SIPA1L3: variants seen among roughly 807,000 people sequenced by gnomAD.
The protein encoded by SIPA1L3 is signal induced proliferation associated 1 like 3.
A neutral mutation model predicts 150.1 loss-of-function variants in SIPA1L3; 59 were observed. The observed-to-expected ratio is 0.39, with a 90% CI of 0.32 to 0.49. The LOEUF (loss-of-function observed/expected upper bound fraction) is 0.49. SIPA1L3 is among the 20% of genes least tolerant of loss of function. SIPA1L3 has a pLI of 0.86. For missense variants in SIPA1L3, 2,211 were observed against 2,489.5 expected (o/e 0.89, Z 2.38); for synonymous variants, 1,070 against 1,077.6 (o/e 0.99, Z 0.14).
intron 1 of SIPA1L3, among the ~76,000 whole-genome samples, chr19:38,024,086 G>A (rs77183022): frequency 0.026 from 3,989 of 152,184 alleles, 164 homozygotes; most frequent in African/African-American, 0.091. Flanking sequence ...TGTGAATTGA[G>A]GTGGAAATAC....
At position 38,082,430 on chromosome 19, in the gene SIPA1L3, C is replaced by G. The variant is rs1970015915; in HGVS notation, c.865C>G (p.Arg289Gly). ...EKEKARKKPA[R>G]GLGGGDTVDS... is the part of the protein sequence containing the mutation. ...GGAGAAGGCCCGGAAGAAACCTGCG[C>G]GGGGCCTCGGCGGCGGGGACACGGT... The change falls in exon 3 of 22, where the codon CGG becomes GGG. Residue 289 changes from arginine (R) to glycine (G), a missense_variant. Transcript: ENST00000222345. 1 of 1,591,922 alleles carries G rather than the reference C, an allele frequency of 6.3e-7. No individual in the cohort carries two copies. The highest frequency in any genetic ancestry group is 1.3e-5 in the African/African-American group (1 of 74,674).
At chr19:37,957,613 T>C (rs1237190140) in intron 1 of SIPA1L3, among the ~76,000 whole-genome samples, 1 of 152,106 alleles carries the variant, frequency 6.6e-6, no homozygotes, top group Non-Finnish European at 1.5e-5. Flanking sequence ...TGGAGTGCAG[T>C]GGCACAATCA....
In SIPA1L3 at chr19:38,106,345, G is replaced by A. The variant is rs751948126; in HGVS notation, c.2030-192G>A. 5.9e-6 allele frequency: 3 copies of A among 512,038 alleles called. No individual in the cohort carries two copies. In the African/African-American group the frequency reaches 5.9e-5, roughly 10 times the overall value. 31.7% of individuals were successfully genotyped at this position (512,038 alleles called of 1,614,324 possible). On this transcript the variant is annotated intron_variant, in intron 6 of 21. Transcript: ENST00000222345. Reference sequence around the variant, plus strand: ...TGGTCTCGAACTCCTGACCTCAGATGATCCACCTGCCTCAGCCTCCCAAAG... The same window carrying A: ...TGGTCTCGAACTCCTGACCTCAGATAATCCACCTGCCTCAGCCTCCCAAAG...
chr19:37,927,700 G>A (rs183164943), intron 1 of SIPA1L3, among the ~76,000 whole-genome samples: 57 of 144,316 alleles, frequency 3.9e-4, no homozygotes, highest in Middle Eastern at 7.5e-3. Flanking sequence ...TGTATGCAAT[G>A]TTTAGCTCTC....
In SIPA1L3 at chr19:38,164,485, C is replaced by T; in HGVS notation, c.3787C>T (p.Pro1263Ser). 1 of 1,606,282 alleles carries T rather than the reference C, an allele frequency of 6.2e-7. No individual in the cohort carries two copies. The highest frequency in any genetic ancestry group is 8.5e-7 in the Non-Finnish European group (1 of 1,174,264). The change falls in exon 15 of 22, where the codon CCT becomes TCT. Residue 1263 changes from proline (P) to serine (S), a missense_variant. Pro to Ser is a moderately conservative substitution (Grantham distance 74). This residue lies in a region of SIPA1L3 where 806 missense variants were observed against 870.1 expected (regional missense o/e 0.93). Coordinates refer to ENST00000222345, the MANE Select transcript of SIPA1L3 (RefSeq NM_015073.3). The surrounding 1 kb of genome is among the most constrained non-coding windows in gnomAD (Gnocchi z 4.1). ...CGCTTCTCTTGCCTCTCAGGGAGAACCTCAATACTCAAGTCATTCCAGCAG... is the reference window on the plus strand; with the variant it reads ...CGCTTCTCTTGCCTCTCAGGGAGAATCTCAATACTCAAGTCATTCCAGCAG... ...DSPNRHSKGEPQYSSHSSSNT... is the reference protein window; with the variant it reads ...DSPNRHSKGESQYSSHSSSNT...
In SIPA1L3 at chr19:38,163,535, G is replaced by T. The variant is rs534710341; in HGVS notation, c.3781-944G>T. ...AACAGTCCAGGGGAGAGAGTGACAA[G>T]CACTGCAGCTCAAGGATGATGTGGT... is the stretch of plus-strand genomic sequence containing the variant. On this transcript the variant is annotated intron_variant, in intron 14 of 21. Transcript: ENST00000222345. Among the ~76,000 whole-genome samples the T allele has an allele frequency of 9.4e-4, 140 of 149,440 alleles. 1 individual carries two copies. The highest frequency in any genetic ancestry group is 3.2e-3 in the African/African-American group (130 of 40,556).
intron 2 of SIPA1L3, among the ~76,000 whole-genome samples, chr19:38,063,268 C>T (rs529111444): frequency 6.6e-6 from 1 of 152,118 alleles, no homozygotes; most frequent in Non-Finnish European, 1.5e-5. Flanking sequence ...GCACCGCCCC[C>T]GCCGGCCCCC....
At chr19:37,921,368 G>A (rs1229197467) in intron 1 of SIPA1L3, among the ~76,000 whole-genome samples, 1 of 152,200 alleles carries the variant, frequency 6.6e-6, no homozygotes, top group Non-Finnish European at 1.5e-5. Flanking sequence ...TCCTGATGGT[G>A]TGCTGCCTGG....
Position 38,081,493 on chromosome 19 carries a change from G to A in SIPA1L3, c.-73G>A. 1 of 1,427,528 alleles carries A rather than the reference G, an allele frequency of 7.0e-7. No homozygotes were observed. 88.4% of individuals were successfully genotyped at this position (1,427,528 alleles called of 1,614,324 possible). A position where few individuals can be genotyped will look rare whatever the true frequency, so the allele number is the denominator to read the frequency against. ...CTGGGCCTGGCTGCCCTGAACAATG[G>A]CTGAGGGCTGGGGGACCCCATAGAG... On this transcript the variant is annotated 5_prime_UTR_variant, in exon 3 of 22. Transcript: ENST00000222345.
At chr19:38,078,685 C>T (rs1440540597) in intron 2 of SIPA1L3, among the ~76,000 whole-genome samples, 1 of 152,154 alleles carries the variant, frequency 6.6e-6, no homozygotes, top group African/African-American at 2.4e-5. Context: ...CGGCTGCATC[C>T]AGCTCTAGAT....
At position 38,134,707 on chromosome 19, in the gene SIPA1L3, GA is replaced by G. The variant is rs3083628; in HGVS notation, c.3143+3960del. On this transcript the variant is annotated intron_variant, in intron 10 of 21. Transcript: ENST00000222345. ...ATGACAGAGCGAGACTCTGTTTCAG[GA>G]AAAAAAAAAAAAAAAAAAAAAAAAG... 3.5e-3 allele frequency among the ~76,000 whole-genome samples: 323 copies of G among 91,032 alleles called. 1 individual carries two copies. Among genetic ancestry groups the G allele is most frequent in the African/African-American group, 0.013 (291 of 22,312 alleles). 59.7% of individuals were successfully genotyped at this position (91,032 alleles called of 152,430 possible).
chr19:38,079,651 G>A (rs1969933207), intron 2 of SIPA1L3, among the ~76,000 whole-genome samples: 1 of 151,854 alleles, frequency 6.6e-6, no homozygotes, highest in South Asian at 2.1e-4. Context: ...AACCTCCCGG[G>A]TTCGAGTGAT....
chr19:38,164,555 G>C lies in SIPA1L3; in HGVS notation c.3857G>C (p.Arg1286Pro), dbSNP rs759244647. 9.3e-6 allele frequency: 15 copies of C among 1,613,928 alleles called. No homozygotes were observed. The South Asian group carries it at 1.1e-4, about 12-fold the overall frequency. ...GCATCCAGCAGCCACAGCGACGACC[G>C]CTGGTTCGACCCCCTGGACCCCCTG... ...SNASSSHSDD[R>P]WFDPLDPLEP... Residue 1286 changes from arginine to proline, a missense_variant, in exon 15 of 22, where the codon CGC becomes CCC. Physicochemically the swap from Arg to Pro is moderately radical, Grantham distance 103. Transcript: ENST00000222345. This position sits in a 1 kb window ranked among gnomAD's most constrained non-coding sequence, Gnocchi z 4.1.
Position 38,193,699 on chromosome 19 carries a change from C to T in SIPA1L3, c.4759C>T (p.Arg1587Cys), listed in dbSNP as rs772456413. 3.2e-6 allele frequency: 5 copies of T among 1,571,960 alleles called. No individual in the cohort carries two copies. The highest frequency in any genetic ancestry group is 1.4e-5 in the African/African-American group (1 of 73,592). Reference sequence around the variant, plus strand: ...CTTCCCGTCCAGCACGCTGCCTGCACGCCGCCAGCACCAGCACCCCCACCC... The same window carrying T: ...CTTCCCGTCCAGCACGCTGCCTGCATGCCGCCAGCACCAGCACCCCCACCC... ...CAFPSSTLPA[R>C]RQHQHPHPPV... Residue 1587 changes from arginine to cysteine, a missense_variant, in exon 18 of 22, where the codon CGC becomes TGC. By Grantham distance (180) the Arg-to-Cys change is radical. Transcript: ENST00000222345.
chr19:38,003,557 G>A (rs1293084998), intron 1 of SIPA1L3, among the ~76,000 whole-genome samples: 1 of 152,118 alleles, frequency 6.6e-6, no homozygotes, highest in African/African-American at 2.4e-5. Context: ...GTTTATTTCC[G>A]AGTTTCCCGT....
intron 6 of SIPA1L3, among the ~76,000 whole-genome samples, chr19:38,102,493 A>T (rs1230227642): frequency 6.6e-6 from 1 of 151,130 alleles, no homozygotes; most frequent in Non-Finnish European, 1.5e-5. Context: ...AGGATGACTC[A>T]CACCTGTAAT....
At chr19:37,925,449 T>C (rs1226203997) in intron 1 of SIPA1L3, among the ~76,000 whole-genome samples, 1 of 152,068 alleles carries the variant, frequency 6.6e-6, no homozygotes, top group Non-Finnish European at 1.5e-5. Context: ...GAGGCCCACA[T>C]GGCTGGAGCG....
intron 2 of SIPA1L3, among the ~76,000 whole-genome samples, chr19:38,065,907 T>TTATTTATC (rs1599989071): frequency 1.7e-5 from 2 of 119,204 alleles, no homozygotes; most frequent in African/African-American, 7.0e-5. Context: ...GATCTCTTAT[T>TTATTTATC]TATTTATCTA....
intron 3 of SIPA1L3, 100 bp downstream of exon 3, chr19:38,083,199 C>A: frequency 8.1e-7 from 1 of 1,237,684 alleles, no homozygotes; most frequent in Non-Finnish European, 1.1e-6. Flanking sequence ...CCTGCTCTGG[C>A]ACTGAGGATG....
Sources: gnomAD v4.1 joint callset for allele counts (sites outside exome capture counted in the v4.1 genomes callset) on GRCh38, gnomAD v4.1.1 for gene constraint, gnomAD v4.1.1 regional missense constraint, Gnocchi (gnomAD v3.1) non-coding constraint, MANE v1.5 for transcripts, NCBI Gene and HGNC (gene_info 2026-07-23, HGNC 2026-07-21) for gene names.